PDE8B: variants seen among roughly 807,000 people sequenced by gnomAD.
PDE8B encodes the protein phosphodiesterase 8B.
In PDE8B, 26 loss-of-function variants were observed where a neutral mutation model predicts 101.3. That is an observed-to-expected ratio of 0.26 (90% CI 0.19 to 0.36). PDE8B has a LOEUF of 0.36. PDE8B is among the 10% of genes least tolerant of loss of function. The pLI is 1.00. For synonymous variants in PDE8B, 424 were observed against 429.3 expected (o/e 0.99, Z 0.15); for missense variants, 810 against 1,163.1 (o/e 0.70, Z 4.42).
chr5:77,285,523 G>T (rs895121335), intron 1 of PDE8B, among the ~76,000 whole-genome samples: 1 of 151,952 alleles, frequency 6.6e-6, no homozygotes, highest in African/African-American at 2.4e-5. Context: ...GTTTTTCTCG[G>T]GCCGCTTTTG....
At chr5:77,193,315 T>C in the PDE8B span, among the ~76,000 whole-genome samples, 1 of 152,204 alleles carries the variant, frequency 6.6e-6, no homozygotes, top group Non-Finnish European at 1.5e-5. Context: ...CTACGATCCA[T>C]TTCAAGTTAA....
At chr5:77,244,848 T>C (rs996372305) in intron 1 of PDE8B, among the ~76,000 whole-genome samples, 6 of 152,248 alleles carry the variant, frequency 3.9e-5, no homozygotes, top group Middle Eastern at 3.4e-3. Context: ...ACTAAGCTAG[T>C]CACCCCTCAA....
At chr5:77,089,163 A>G in the PDE8B span, among the ~76,000 whole-genome samples, 1 of 152,088 alleles carries the variant, frequency 6.6e-6, no homozygotes, top group Non-Finnish European at 1.5e-5. Context: ...CTTCATCTGT[A>G]TTTACATCCG....
chr5:77,088,561 G>T, the PDE8B span: 1 of 151,654 alleles, frequency 6.6e-6, no homozygotes, highest in East Asian at 1.9e-4. Context: ...CAGTAGGATG[G>T]ATGGGGAGCT....
chr5:77,239,574 C>T (rs1755332303), intron 1 of PDE8B, among the ~76,000 whole-genome samples: 1 of 152,172 alleles, frequency 6.6e-6, no homozygotes, highest in African/African-American at 2.4e-5. Context: ...TAAACAACAC[C>T]AATCTTTTCT....
intron 1 of PDE8B, among the ~76,000 whole-genome samples, chr5:77,311,273 C>T (rs1321976754): frequency 6.6e-6 from 1 of 152,188 alleles, no homozygotes; most frequent in Non-Finnish European, 1.5e-5. Flanking sequence ...TTGCTTTATG[C>T]TTGCTACCAT....
At chr5:77,200,960 G>C in the PDE8B span, among the ~76,000 whole-genome samples, 1 of 152,200 alleles carries the variant, frequency 6.6e-6, no homozygotes, top group Non-Finnish European at 1.5e-5. Context: ...CAAGAAGGGA[G>C]AGACTTTCTG....
the PDE8B span, among the ~76,000 whole-genome samples, chr5:77,133,917 T>C: frequency 6.6e-6 from 1 of 152,342 alleles, no homozygotes; most frequent in East Asian, 1.9e-4. Flanking sequence ...TTGGGCCTTC[T>C]GTCCTGGAAG....
intron 1 of PDE8B, among the ~76,000 whole-genome samples, chr5:77,298,476 T>C (rs539324400): frequency 4.0e-4 from 61 of 152,320 alleles, no homozygotes; most frequent in African/African-American, 1.3e-3. Flanking sequence ...TGATGAATTT[T>C]AGCATGTGGG....
At chr5:77,135,628 C>CA in the PDE8B span, among the ~76,000 whole-genome samples, 1 of 152,106 alleles carries the variant, frequency 6.6e-6, no homozygotes, top group Non-Finnish European at 1.5e-5. Context: ...AGGCACGCGC[C>CA]ACCATGCCCA....
At chr5:77,129,917 A>T in the PDE8B span, among the ~76,000 whole-genome samples, 2 of 152,100 alleles carry the variant, frequency 1.3e-5, no homozygotes, top group Admixed American at 1.3e-4. Context: ...TTTGAAATTG[A>T]ATTTTTAAAG....
chr5:77,153,572 C>A, the PDE8B span, among the ~76,000 whole-genome samples: 3 of 131,484 alleles, frequency 2.3e-5, no homozygotes, highest in South Asian at 7.2e-4. Context: ...CAGCTTTACT[C>A]TTTTTTTTTT....
chr5:77,349,746 T>C (rs1199322491), intron 8 of PDE8B, among the ~76,000 whole-genome samples, 187 bp downstream of exon 8: 1 of 152,172 alleles, frequency 6.6e-6, no homozygotes, highest in Non-Finnish European at 1.5e-5. Context: ...CTGGTGCTTA[T>C]CATTATGGTA....
At chr5:77,375,889 C>CTTTTTTTTTTTTTTT (rs70988668) in intron 10 of PDE8B, among the ~76,000 whole-genome samples, 1 of 108,316 alleles carries the variant, frequency 9.2e-6, no homozygotes, top group Non-Finnish European at 1.8e-5. Context: ...GCCTTGATTT[C>CTTTTTTTTTTTTTTT]TTTTTTTTTT....
the PDE8B span, among the ~76,000 whole-genome samples, chr5:77,135,064 C>G: frequency 6.6e-6 from 1 of 152,216 alleles, no homozygotes; most frequent in African/African-American, 2.4e-5. Context: ...AAGATGAGGA[C>G]AGTAGAGCCA....
the PDE8B span, among the ~76,000 whole-genome samples, chr5:77,090,726 C>T: frequency 6.6e-6 from 1 of 151,986 alleles, no homozygotes; most frequent in South Asian, 2.1e-4. Flanking sequence ...GTAAGAGTTC[C>T]TTTTTCTTTA....
upstream of PDE8B, among the ~76,000 whole-genome samples, chr5:77,209,904 CCTTGGCACAAA>C (rs1265995880): frequency 9.8e-5 from 15 of 152,354 alleles, no homozygotes; most frequent in Admixed American, 3.3e-4. Flanking sequence ...GCCTCCCATC[CCTTGGCACAAA>C]CTTCCAAACG....
chr5:77,425,711 TACTGTG>T, intron 20 of PDE8B, 50 bp from the exon 21 acceptor site: 1 of 1,570,716 alleles, frequency 6.4e-7, no homozygotes, highest in Admixed American at 1.7e-5. Flanking sequence ...AACAGGATAT[TACTGTG>T]AAAGTGTCTC....
the PDE8B span, among the ~76,000 whole-genome samples, chr5:77,142,769 CTT>C: frequency 6.9e-6 from 1 of 144,314 alleles, no homozygotes; most frequent in Admixed American, 7.0e-5. Flanking sequence ...TTCATGTAAT[CTT>C]TTTTTTTTTT....
Sources: gnomAD v4.1 joint callset for allele counts (sites outside exome capture counted in the v4.1 genomes callset) on GRCh38, gnomAD v4.1.1 for gene constraint, MANE v1.5 for transcripts, NCBI Gene and HGNC (gene_info 2026-07-23, HGNC 2026-07-21) for gene names.